The following MGAM variants were observed in gnomAD, a reference collection of about 807,000 sequenced individuals.
The protein encoded by MGAM is alpha-1,4-glucosidase.
A neutral mutation model predicts 358.8 loss-of-function variants in MGAM; 253 were observed. The ratio of observed to expected loss-of-function variants is 0.71; its 90% CI spans 0.64 to 0.78. The LOEUF (loss-of-function observed/expected upper bound fraction) is 0.78, where lower values mean the gene tolerates loss of function less well. Among genes scored for constraint, MGAM ranks in the 30% least tolerant of loss-of-function variants. The pLI is 0.00. For missense variants in MGAM, 3,080 were observed against 3,432.6 expected, an observed-to-expected ratio of 0.90 and a Z score of 2.57; for synonymous variants, 1,105 against 1,227.1, an observed-to-expected ratio of 0.90 and a Z score of 2.08.
At chr7:142,023,261 G>A (rs901433350) in intron 7 of MGAM, among the ~76,000 whole-genome samples, 12 of 151,872 alleles carry the variant, frequency 7.9e-5, no homozygotes, top group East Asian at 1.9e-4. Context: ...ACTGTGTTTC[G>A]CCATGTTGTT....
At chr7:142,041,962 T>C (rs1584971864) in intron 21 of MGAM, among the ~76,000 whole-genome samples, 1 of 25,034 alleles carries the variant, frequency 4.0e-5, no homozygotes, top group Non-Finnish European at 7.6e-5. Context: ...ATATATAATA[T>C]ATATATATTA....
At position 142,056,948 on chromosome 7, in the gene MGAM, G is replaced by C. The variant is rs1162004104; in HGVS notation, c.3693+6G>C. The C allele has an allele frequency of 6.2e-7, 1 of 1,613,036 alleles. No homozygotes were observed. The highest frequency in any genetic ancestry group is 1.7e-5 in the Admixed American group (1 of 59,976). On this transcript the variant is annotated splice_donor_region_variant and intron_variant, in intron 30 of 70. Transcript: ENST00000475668. ...TCACCCAGCAGTACACTGAGGTAGG[G>C]GGAAATCCAATTGTTTATCAAGTAC... is the stretch of plus-strand genomic sequence containing the variant.
In MGAM at chr7:142,030,697, G is replaced by A. The variant is rs1273998818; in HGVS notation, c.1410G>A (p.Arg470=). 2 of 1,613,196 alleles carry A rather than the reference G, an allele frequency of 1.2e-6. No homozygotes were observed. The highest frequency in any genetic ancestry group is 4.5e-5 in the East Asian group (2 of 44,870). ...GTAAACCCTATGGCCCATATGACAG[G>A]GGTTCAGATATGAAGATATGGGTGA... ...SSSKPYGPYD[R]GSDMKIWVNS... is the part of the protein sequence containing the mutation. The change falls in exon 12 of 71, where the codon AGG becomes AGA. Residue 470 remains arginine (R), a synonymous_variant. Coordinates refer to ENST00000475668, the MANE Select transcript of MGAM (RefSeq NM_001365693.1).
chr7:142,094,964 T>A (rs117210551), intron 63 of MGAM, 101 bp downstream of exon 63: 1 of 4,034 alleles, frequency 2.5e-4, no homozygotes, highest in Non-Finnish European at 7.7e-4. Flanking sequence ...ATCTTTAAAA[T>A]TTTTTTTTTT....
chr7:142,040,560 T>A (rs1423127218), intron 20 of MGAM, 162 bp from the exon 21 acceptor site: 14 of 910,602 alleles, frequency 1.5e-5, no homozygotes, highest in Non-Finnish European at 2.0e-5. Context: ...TAGCAGAACA[T>A]GTTATTCTTG....
At chr7:142,032,788 T>G in intron 13 of MGAM, 37 bp from the exon 14 acceptor site, 2 of 1,300,448 alleles carry the variant, frequency 1.5e-6, no homozygotes, top group Non-Finnish European at 2.2e-6. Context: ...GATAACATGT[T>G]ACTTTTTCTT....
intron 2 of MGAM, among the ~76,000 whole-genome samples, chr7:141,988,320 G>T (rs1554446617): frequency 6.6e-6 from 1 of 151,612 alleles, no homozygotes; most frequent in African/African-American, 2.4e-5. Flanking sequence ...ATATTTAAAA[G>T]GTACTCTGAA....
At chr7:142,040,553 C>T (rs1292403520) in intron 20 of MGAM, 169 bp from the exon 21 acceptor site, 1 of 852,540 alleles carries the variant, frequency 1.2e-6, no homozygotes, top group African/African-American at 1.7e-5. Flanking sequence ...CAACTGGTAG[C>T]AGAACATGTT....
At chr7:142,073,148 C>T (rs1418508739) in intron 44 of MGAM, among the ~76,000 whole-genome samples, 1 of 145,994 alleles carries the variant, frequency 6.8e-6, no homozygotes, top group African/African-American at 2.4e-5. Flanking sequence ...TCACTGTCTG[C>T]GTTCATTTTT....
In MGAM at chr7:142,062,627, G is replaced by A. The variant is rs747366964; in HGVS notation, c.4182G>A (p.Trp1394Ter). ...TCCGTAATTCAACTGCCAAGTGGTGGAAGAGGGAAATAGAAGAACTATACA... is the reference window on the plus strand; with the variant it reads ...TCCGTAATTCAACTGCCAAGTGGTGAAAGAGGGAAATAGAAGAACTATACA... The part of the protein sequence containing the change: ...DFFRNSTAKW[W>*]KREIEELYNN... The change falls in exon 35 of 71, where the codon TGG becomes TGA. Residue 1394 changes from tryptophan (W) to a stop codon, truncating the protein, a stop_gained. Transcript: ENST00000475668. LOFTEE classifies it high-confidence loss of function. 1 of 1,612,692 alleles carries A rather than the reference G, an allele frequency of 6.2e-7. No homozygotes were observed. The highest frequency in any genetic ancestry group is 8.5e-7 in the Non-Finnish European group (1 of 1,179,008).
chr7:142,040,920 A>G (rs1415689661), intron 21 of MGAM, 74 bp downstream of exon 21: 3 of 1,501,602 alleles, frequency 2.0e-6, no homozygotes, highest in Admixed American at 2.3e-5. Flanking sequence ...TTCGAAACAC[A>G]CTAACAGCCA....
rs767877732 is a variant in MGAM at position 142,052,354 on chromosome 7, A to T, written c.2866A>T (p.Ile956Leu). Residue 956 changes from isoleucine (I) to leucine (L), a missense_variant, in exon 25 of 71, where the codon ATA (isoleucine) becomes TTA (leucine). Physicochemically the swap from Ile to Leu is conservative, Grantham distance 5. This residue lies in a region of MGAM where 1,816 missense variants were observed against 1,840.5 expected (regional missense o/e 0.99). Coordinates refer to ENST00000475668, the MANE Select transcript of MGAM (RefSeq NM_001365693.1). ...LGEAYTVEWS[I>L]KIRDEEKIDC... ...AGAAGCATACACAGTGGAATGGAGC[A>T]TAAAGATAAGGGATGAAGAAAAAAT... 2.5e-6 allele frequency: 4 copies of T among 1,611,204 alleles called. No individual in the cohort carries two copies. The highest frequency in any genetic ancestry group is 1.3e-5 in the African/African-American group (1 of 74,896).
Position 142,054,793 on chromosome 7 carries a change from C to A in MGAM, c.3199C>A (p.Pro1067Thr). The A allele has an allele frequency of 6.2e-7, 1 of 1,613,812 alleles. No homozygotes were observed. Among genetic ancestry groups the A allele is most frequent in the South Asian group, 1.1e-5 (1 of 91,066 alleles). The change falls in exon 27 of 71, where the codon CCT becomes ACT. Residue 1067 changes from proline (P) to threonine (T), a missense_variant. Around this residue, in one of 5 missense-constraint regions of MGAM, gnomAD observed 1,816 missense variants for 1,840.5 expected, o/e 0.99. Transcript: ENST00000475668. ...CAAGAATCGGTATGAAGTTCCAGTC[C>A]CTCTGAACATACCCAGCATGCCATC... ...PNKNRYEVPV[P>T]LNIPSMPSST...
rs2129055810 is a variant in MGAM, at chr7:142,087,007, C to T, written c.6810+290C>T. Among the ~76,000 whole-genome samples the T allele has an allele frequency of 2.0e-5, 2 of 100,326 alleles. 1 individual carries two copies. The highest frequency in any genetic ancestry group is 6.2e-4 in the South Asian group (2 of 3,250). The allele number at this position is 100,326 out of a possible 152,430, so 65.8% of individuals were successfully genotyped here. On this transcript the variant is annotated intron_variant, in intron 57 of 70. Coordinates refer to ENST00000475668, the MANE Select transcript of MGAM (RefSeq NM_001365693.1). ...GTGTTGATTTCAATTCCAAGGCTGT[C>T]AGATTACAAAGGCCCAAGAAATTCC...
rs565478467 is a variant in MGAM, at chr7:142,068,300, A to G, written c.5005-347A>G. ...GCATGAGCCATCGCGCCCGGCCCCA[A>G]AATCTCATTATACCCACAAAATTTT... On this transcript the variant is annotated intron_variant, in intron 42 of 70. Coordinates refer to ENST00000475668, the MANE Select transcript of MGAM (RefSeq NM_001365693.1). Among the ~76,000 whole-genome samples the G allele has an allele frequency of 1.3e-4, 18 of 142,446 alleles. 2 individuals are homozygous for G. Among genetic ancestry groups the G allele is most frequent in the African/African-American group, 3.9e-4 (16 of 40,784 alleles). 93.5% of individuals were successfully genotyped at this position (142,446 alleles called of 152,430 possible).
rs1267445283 is a variant in MGAM, at chr7:142,089,732, A to G, written c.6811-2181A>G. On this transcript the variant is annotated intron_variant, in intron 57 of 70. Transcript: ENST00000475668. ...AACCCGGGAGGCAGAGGTTGCAGTG[A>G]GCCAGGATTGAGCCACTGCACTCCA... is the stretch of plus-strand genomic sequence containing the variant. Among the ~76,000 whole-genome samples the G allele has an allele frequency of 2.1e-5, 3 of 145,876 alleles. 1 individual carries two copies. Among genetic ancestry groups the G allele is most frequent in the Non-Finnish European group, 4.7e-5 (3 of 64,390 alleles).
At chr7:141,992,944 CT>C (rs1804010227), upstream of MGAM, among the ~76,000 whole-genome samples, 1 of 152,178 alleles carries the variant, frequency 6.6e-6, no homozygotes, top group Non-Finnish European at 1.5e-5. Flanking sequence ...CCTCTTTTAG[CT>C]GTAAATTCTT....
intron 1 of MGAM, among the ~76,000 whole-genome samples, chr7:142,000,261 G>A (rs1804627811): frequency 6.6e-6 from 1 of 152,148 alleles, no homozygotes; most frequent in Non-Finnish European, 1.5e-5. Flanking sequence ...GTAGTCATGT[G>A]AAGGCTTGAA....
At position 142,074,033 on chromosome 7, in the gene MGAM, T is replaced by C. The variant is rs769935833; in HGVS notation, c.5187-52T>C. 101 of 1,273,696 alleles carry C rather than the reference T, an allele frequency of 7.9e-5. 10 individuals are homozygous for C. Among genetic ancestry groups the C allele is most frequent in the Non-Finnish European group, 1.1e-4 (98 of 884,656 alleles). The allele number at this position is 1,273,696 out of a possible 1,614,324, so 78.9% of individuals were successfully genotyped here. On this transcript the variant is annotated intron_variant, in intron 44 of 70. Coordinates refer to ENST00000475668, the MANE Select transcript of MGAM (RefSeq NM_001365693.1). The stretch of plus-strand genomic sequence containing the variant: ...TTGATGGAAATATTCTCAGCCCAGT[T>C]GGCAAAATTGTCTGACTCCTGTCTT...
Sources: allele counts gnomAD v4.1 joint callset (sites outside exome capture counted in the v4.1 genomes callset), GRCh38; gene constraint gnomAD v4.1.1; regional missense constraint gnomAD v4.1.1; transcripts MANE v1.5; gene names NCBI Gene and HGNC (gene_info 2026-07-23, HGNC 2026-07-21).